Variants in DRC3 observed in about 807,000 individuals in gnomAD.
The protein encoded by DRC3 is dynein regulatory complex subunit 3, also known as leucine rich repeat containing 48.
Under a neutral mutation model 57.6 loss-of-function variants are expected in DRC3, and 45 were observed. That is an observed-to-expected ratio of 0.78 (90% CI 0.62 to 1.00). DRC3 has a LOEUF of 1.00. Among genes scored for constraint, DRC3 ranks in the 50% least tolerant of loss-of-function variants. The probability of loss-of-function intolerance (pLI) is 0.00; values close to 1 mark genes in which losing one functional copy is unlikely to be tolerated. For missense variants in DRC3, 655 were observed against 675.2 expected, an observed-to-expected ratio of 0.97 and a Z score of 0.33; for synonymous variants, 257 against 272.3, an observed-to-expected ratio of 0.94 and a Z score of 0.55.
intron 8 of DRC3, 118 bp downstream of exon 8, chr17:17,995,229 A>C: frequency 1.4e-6 from 1 of 699,728 alleles, no homozygotes; most frequent in Admixed American, 2.4e-5. Context: ...GGGAGGTAAA[A>C]TCTCCACTTG....
intron 10 of DRC3, 193 bp downstream of exon 10, chr17:18,004,687 C>G (rs1465971422): frequency 6.7e-6 from 4 of 600,286 alleles, no homozygotes; most frequent in Non-Finnish European, 1.1e-5. Flanking sequence ...GGAAGTGATT[C>G]TTGTGGAAAA....
At chr17:18,010,946 T>TTTTTTTTTTG in intron 12 of DRC3, 2 of 242,990 alleles carry the variant, frequency 8.2e-6, no homozygotes, top group South Asian at 4.2e-5. Context: ...GAGGTTTTTT[T>TTTTTTTTTTG]TTTGTTTGTT....
intron 3 of DRC3, among the ~76,000 whole-genome samples, chr17:17,983,198 T>G (rs1246761041): frequency 6.6e-6 from 1 of 152,218 alleles, no homozygotes; most frequent in African/African-American, 2.4e-5. Context: ...CGTTCTTGCA[T>G]GGATGACTTA....
At chr17:17,983,995 C>A in intron 4 of DRC3, 51 bp downstream of exon 4, 1 of 1,192,152 alleles carries the variant, frequency 8.4e-7, no homozygotes, top group Non-Finnish European at 1.2e-6. Flanking sequence ...GACACCCTGA[C>A]AAGGTTATTG....
At chr17:17,977,428 A>G (rs1164476033) in intron 2 of DRC3, 154 bp from the exon 3 acceptor site, 4 of 861,762 alleles carry the variant, frequency 4.6e-6, no homozygotes, top group Non-Finnish European at 7.2e-6. Flanking sequence ...GCGTAAGTAT[A>G]CAAACCCCGA....
chr17:18,012,125 T>A (rs939657686), intron 12 of DRC3, among the ~76,000 whole-genome samples: 27 of 152,122 alleles, frequency 1.8e-4, no homozygotes, highest in African/African-American at 6.3e-4. Flanking sequence ...AAAAATAAAG[T>A]GAATTAAGCC....
chr17:17,988,809 C>T (rs116748793), intron 5 of DRC3, among the ~76,000 whole-genome samples: 3 of 152,110 alleles, frequency 2.0e-5, no homozygotes, highest in African/African-American at 7.2e-5. Context: ...GAGGGTCAAG[C>T]GCTGAGTTGT....
At chr17:17,980,479 G>T (rs1052524397) in intron 3 of DRC3, among the ~76,000 whole-genome samples, 1 of 152,018 alleles carries the variant, frequency 6.6e-6, no homozygotes, top group African/African-American at 2.4e-5. Context: ...TATTTTAGTA[G>T]AGATGGGGTT....
At position 18,004,474 on chromosome 17, in the gene DRC3, C is replaced by G; in HGVS notation, c.1111C>G (p.Gln371Glu). Residue 371 changes from glutamine to glutamate, a missense_variant, in exon 10 of 14, where the codon CAG (glutamine) becomes GAG (glutamate). Physicochemically the swap from Gln to Glu is conservative, Grantham distance 29. Transcript: ENST00000399187. Reference protein sequence around the residue: ...LFDALMTLEMQLVEQLEETIN... With the variant: ...LFDALMTLEMELVEQLEETIN... The stretch of plus-strand genomic sequence containing the variant: ...CGATGCGCTCATGACGCTGGAGATG[C>G]AGCTGGTGGAGCAGCTGGAGGTAAG... The G allele has an allele frequency of 6.2e-7, 1 of 1,611,234 alleles. No individual in the cohort carries two copies. The highest frequency in any genetic ancestry group is 1.6e-4 in the Middle Eastern group (1 of 6,062).
In DRC3 at chr17:18,007,161, GCT is replaced by G; in HGVS notation, c.1326+15_1326+16del. ...GACCTGCGCGCGGTAGGCGGGGCGGGCTGCTCGGAGCCTGACAGATGTGGTCC... is the reference window on the plus strand; with the variant it reads ...GACCTGCGCGCGGTAGGCGGGGCGGGGCTCGGAGCCTGACAGATGTGGTCC... On this transcript the variant is annotated intron_variant, in intron 12 of 13. Transcript: ENST00000399187. 1.9e-6 allele frequency: 2 copies of G among 1,059,872 alleles called. No individual in the cohort carries two copies. The highest frequency in any genetic ancestry group is 2.3e-5 in the Admixed American group (1 of 43,662). 65.7% of individuals were successfully genotyped at this position (1,059,872 alleles called of 1,614,324 possible).
At chr17:17,980,339 T>C (rs1597542925) in intron 3 of DRC3, among the ~76,000 whole-genome samples, 1 of 151,022 alleles carries the variant, frequency 6.6e-6, no homozygotes, top group Non-Finnish European at 1.5e-5. Flanking sequence ...CAGGCTGGAG[T>C]GCTAGAGTGC....
intron 12 of DRC3, 92 bp from the exon 13 acceptor site, chr17:18,015,972 G>T: frequency 7.1e-7 from 1 of 1,416,954 alleles, no homozygotes; most frequent in Non-Finnish European, 9.7e-7. Context: ...GCACAGCCAG[G>T]GGACTTCCAA....
chr17:17,994,588 A>G (rs1221435602), intron 7 of DRC3, among the ~76,000 whole-genome samples, 170 bp downstream of exon 7: 2 of 152,110 alleles, frequency 1.3e-5, no homozygotes, highest in Non-Finnish European at 2.9e-5. Context: ...TGTCTGCCCC[A>G]GGGCCAGCTC....
intron 9 of DRC3, among the ~76,000 whole-genome samples, chr17:18,001,479 G>C (rs929270856): frequency 1.3e-5 from 2 of 152,118 alleles, no homozygotes; most frequent in Admixed American, 6.5e-5. Flanking sequence ...TTCCAGCCTG[G>C]GCAATAGAGT....
Position 18,007,117 on chromosome 17 carries a change from G to A in DRC3, c.1296G>A (p.Leu432=). ...STLEKIVEGD[L]DEDLPNDLRA... ...TGGAGAAGATTGTCGAGGGCGACCT[G>A]GACGAGGACCTGCCTAACGACCTGC... The change falls in exon 12 of 14, where the codon CTG becomes CTA. Residue 432 remains leucine, a synonymous_variant. Transcript: ENST00000399187. The A allele has an allele frequency of 6.6e-7, 1 of 1,519,792 alleles. No individual in the cohort carries two copies. The allele number at this position is 1,519,792 out of a possible 1,614,324, so 94.1% of individuals were successfully genotyped here. A position where few individuals can be genotyped will look rare whatever the true frequency, so the allele number is the denominator to read the frequency against.
intron 3 of DRC3, among the ~76,000 whole-genome samples, chr17:17,979,777 C>T (rs566450916): frequency 7.2e-5 from 11 of 152,122 alleles, no homozygotes; most frequent in African/African-American, 9.6e-5. Context: ...GGGAGGTGGC[C>T]GGGAGGCTGG....
chr17:17,997,607 T>G lies in DRC3; in HGVS notation c.972T>G (p.Ile324Met), dbSNP rs748248965. 9 of 1,609,432 alleles carry G rather than the reference T, an allele frequency of 5.6e-6. No homozygotes were observed. The Admixed American group carries it at 1.5e-4, about 27-fold the overall frequency. ...QENQEQGKRK[I>M]AKFEEKHLSS... The stretch of plus-strand genomic sequence containing the variant: ...ACCAGGAGCAGGGCAAACGCAAGAT[T>G]GCCAAATTCGAGGAGAAGCACTTGT... The change falls in exon 9 of 14, where the codon ATT becomes ATG. Residue 324 changes from isoleucine (I) to methionine (M), a missense_variant. By Grantham distance (10) the Ile-to-Met change is conservative. Coordinates refer to ENST00000399187, the MANE Select transcript of DRC3 (RefSeq NM_031294.4).
At chr17:18,006,141 C>T in intron 10 of DRC3, 42 bp from the exon 11 acceptor site, 1 of 1,446,824 alleles carries the variant, frequency 6.9e-7, no homozygotes, top group Non-Finnish European at 9.7e-7. Context: ...CTGTGCTGGA[C>T]ATCTAAATAT....
At chr17:17,999,353 C>G (rs2043593765) in intron 9 of DRC3, among the ~76,000 whole-genome samples, 1 of 152,194 alleles carries the variant, frequency 6.6e-6, no homozygotes, top group South Asian at 2.1e-4. Flanking sequence ...AATGTGCTCA[C>G]ATTCAGGCCC....
Sources: allele counts gnomAD v4.1 joint callset (sites outside exome capture counted in the v4.1 genomes callset), GRCh38; gene constraint gnomAD v4.1.1; transcripts MANE v1.5; gene names NCBI Gene and HGNC (gene_info 2026-07-23, HGNC 2026-07-21).